Variants in ACACA observed in about 807,000 individuals in gnomAD.
The protein encoded by ACACA is acetyl-CoA carboxylase 1.
Under a neutral mutation model 296.1 loss-of-function variants are expected in ACACA, and 103 were observed. The observed-to-expected ratio is 0.35, with a 90% confidence interval of 0.30 to 0.41. ACACA has a LOEUF of 0.41. Ranked by LOEUF, ACACA falls within the 10% of genes least tolerant of loss-of-function variation. The pLI is 1.00. For missense variants in ACACA, 1,554 were observed against 2,989.7 expected (o/e 0.52, Z 11.20); for synonymous variants, 953 against 1,038.6 (o/e 0.92, Z 1.58).
chr17:37,375,621 C>T (rs535157611), intron 1 of ACACA, among the ~76,000 whole-genome samples: 9 of 152,284 alleles, frequency 5.9e-5, no homozygotes, highest in African/African-American at 2.2e-4. Context: ...GTACTGACTC[C>T]TAGTCCTAGT....
chr17:37,113,793 G>A lies in ACACA; in HGVS notation c.6275-528C>T, dbSNP rs2074101033. On this transcript the variant is annotated intron_variant, in intron 50 of 55. Transcript: ENST00000616317. This position sits in a 1 kb window ranked among gnomAD's most constrained non-coding sequence, Gnocchi z 4.0. ...CTTGGTATCCCGATATCCCTGCCCA[G>A]TGCCTGAACATAGTTAGTGCTCAAC... Among the ~76,000 whole-genome samples, 1 of 152,134 alleles carries A rather than the reference G, an allele frequency of 6.6e-6. No individual in the cohort carries two copies. The highest frequency in any genetic ancestry group is 2.4e-5 in the African/African-American group (1 of 41,422).
intron 45 of ACACA, among the ~76,000 whole-genome samples, chr17:37,139,359 C>T (rs970416829): frequency 1.3e-5 from 2 of 152,076 alleles, no homozygotes; most frequent in African/African-American, 4.8e-5. Context: ...ACTCAGGACA[C>T]ATCAGAACCC....
chr17:37,159,121 T>C (rs187219905), intron 42 of ACACA, among the ~76,000 whole-genome samples: 2 of 151,778 alleles, frequency 1.3e-5, no homozygotes, highest in East Asian at 3.9e-4. Context: ...GCAGATACAG[T>C]AGGCTATGAA....
At chr17:37,181,464 G>T (rs1187430684) in intron 39 of ACACA, 108 bp from the exon 40 acceptor site, 18 of 1,218,520 alleles carry the variant, frequency 1.5e-5, no homozygotes, top group Non-Finnish European at 2.1e-5. Flanking sequence ...AACATTTTTG[G>T]TAGGTTGAGT....
chr17:37,406,005 T>A, intron 1 of ACACA, among the ~76,000 whole-genome samples: 1 of 152,062 alleles, frequency 6.6e-6, no homozygotes, highest in East Asian at 1.9e-4. Context: ...ATGTAACAGT[T>A]ATATAGTTCA....
At chr17:37,172,732 G>A (rs2076925457) in intron 41 of ACACA, among the ~76,000 whole-genome samples, 1 of 152,070 alleles carries the variant, frequency 6.6e-6, no homozygotes, top group African/African-American at 2.4e-5. Flanking sequence ...AATCATTTAT[G>A]GATAATCATA....
intron 1 of ACACA, chr17:37,388,848 T>C (rs1320913594): frequency 1.6e-5 from 25 of 1,595,590 alleles, no homozygotes; most frequent in Non-Finnish European, 2.1e-5. Flanking sequence ...GACTTTCTTC[T>C]GTTCCAGAGG....
At chr17:37,401,962 C>T (rs145692816) in intron 1 of ACACA, among the ~76,000 whole-genome samples, 1 of 152,244 alleles carries the variant, frequency 6.6e-6, no homozygotes, top group East Asian at 1.9e-4. Flanking sequence ...CCAACCCTGA[C>T]AAGATACAAG....
chr17:37,324,670 C>CA (rs781511745), intron 3 of ACACA, among the ~76,000 whole-genome samples: 185 of 95,684 alleles, frequency 1.9e-3, no homozygotes, highest in African/African-American at 2.7e-3. Context: ...AACTCCATCT[C>CA]AAAAAAAAAA....
At chr17:37,242,201 C>A in intron 22 of ACACA, 148 bp from the exon 23 acceptor site, 1 of 700,576 alleles carries the variant, frequency 1.4e-6, no homozygotes, top group Non-Finnish European at 2.6e-6. Context: ...AGTTACCAGG[C>A]GTAGTCTATA....
chr17:37,229,031 C>T (rs908552701), intron 25 of ACACA, among the ~76,000 whole-genome samples: 2 of 151,412 alleles, frequency 1.3e-5, no homozygotes, highest in Non-Finnish European at 2.9e-5. Flanking sequence ...GTAGTCCCAA[C>T]TACTCGGGAG....
chr17:37,243,457 G>A lies in ACACA; in HGVS notation c.2845C>T (p.Pro949Ser), dbSNP rs2080521095. 1 of 1,614,120 alleles carries A rather than the reference G, an allele frequency of 6.2e-7. No individual in the cohort carries two copies. Among genetic ancestry groups the A allele is most frequent in the East Asian group, 2.2e-5 (1 of 44,870 alleles). ...IMTSVSGRIP[P>S]NVEKSIKKEM... is the part of the protein sequence containing the mutation. ...TTCTTGATAGACTTCTCCACATTGG[G>A]GGGAATGCGGCCAGACACACTGGTC... Residue 949 changes from proline (P) to serine (S), a missense_variant, in exon 22 of 56, where the codon CCC becomes TCC. By Grantham distance (74) the Pro-to-Ser change is moderately conservative (BLOSUM62 -1). This residue lies in a region of ACACA where 316 missense variants were observed against 540.9 expected (regional missense o/e 0.58). Transcript: ENST00000616317.
chr17:37,231,793 G>A (rs1255808542), intron 25 of ACACA, among the ~76,000 whole-genome samples: 1 of 152,190 alleles, frequency 6.6e-6, no homozygotes, highest in Non-Finnish European at 1.5e-5. Context: ...TTGATACTTT[G>A]TATTTGTACC....
intron 8 of ACACA, among the ~76,000 whole-genome samples, chr17:37,274,981 A>AG (rs1238212033): frequency 7.8e-6 from 1 of 127,722 alleles, no homozygotes; most frequent in African/African-American, 3.9e-5. Context: ...TGAGTACTTA[A>AG]GAAAAAAAAA....
intron 29 of ACACA, among the ~76,000 whole-genome samples, chr17:37,218,057 T>TAATATCAACTGTG (rs2079111230): frequency 6.7e-6 from 1 of 149,652 alleles, no homozygotes; most frequent in Non-Finnish European, 1.5e-5. Flanking sequence ...GTAACATCTA[T>TAATATCAACTGTG]AATATCAACT....
chr17:37,129,581 A>G, intron 46 of ACACA, 96 bp from the exon 47 acceptor site: 1 of 1,528,750 alleles, frequency 6.5e-7, no homozygotes, highest in Non-Finnish European at 9.0e-7. Flanking sequence ...AGCAGGGCCC[A>G]CGTATGGAAT....
At chr17:37,377,062 C>T (rs113203400) in intron 1 of ACACA, among the ~76,000 whole-genome samples, 336 of 152,268 alleles carry the variant, frequency 2.2e-3, no homozygotes, top group African/African-American at 7.7e-3. Context: ...AATGTCACAA[C>T]CCTTTGAATT....
At chr17:37,209,409 A>G (rs1483927780) in intron 30 of ACACA, among the ~76,000 whole-genome samples, 2 of 152,222 alleles carry the variant, frequency 1.3e-5, no homozygotes, top group Non-Finnish European at 2.9e-5. Context: ...AGAAGTTAAC[A>G]AACTATGTTT....
Position 37,129,476 on chromosome 17 carries a change from T to C in ACACA, c.5833A>G (p.Ser1945Gly). The C allele has an allele frequency of 1.9e-6, 3 of 1,614,106 alleles. No homozygotes were observed. Among genetic ancestry groups the C allele is most frequent in the Non-Finnish European group, 2.5e-6 (3 of 1,179,990 alleles). The change falls in exon 47 of 56, where the codon AGT (serine) becomes GGT (glycine). Residue 1945 changes from serine (S) to glycine (G), a missense_variant. Ser to Gly is a moderately conservative substitution (Grantham distance 56). This residue lies in a region of ACACA where 553 missense variants were observed against 1,043.6 expected (regional missense o/e 0.53). Transcript: ENST00000616317. Reference protein sequence around the residue: ...WLSYMPKSVHSSVPLLNSKDP... With the variant: ...WLSYMPKSVHGSVPLLNSKDP... ...TTTGAGTTCAGAAGAGGAACTGAAC[T>C]GTGCACGCTCTAAAAGGAGATTGGA... is the stretch of plus-strand genomic sequence containing the variant.
Sources: allele counts gnomAD v4.1 joint callset (sites outside exome capture counted in the v4.1 genomes callset), GRCh38; gene constraint gnomAD v4.1.1; regional missense constraint gnomAD v4.1.1; non-coding constraint Gnocchi (gnomAD v3.1); transcripts MANE v1.5; gene names NCBI Gene and HGNC (gene_info 2026-07-23, HGNC 2026-07-21).